Variants in SMARCAL1 observed in about 807,000 individuals in gnomAD.
SMARCAL1 encodes ATP-driven annealing helicase.
In SMARCAL1, 58 loss-of-function variants were observed where a neutral mutation model predicts 94.5. That is an observed-to-expected ratio of 0.61 (90% CI 0.50 to 0.76). The LOEUF (loss-of-function observed/expected upper bound fraction) is 0.76. Ranked by LOEUF, SMARCAL1 falls within the 30% of genes least tolerant of loss-of-function variation. The pLI is 0.00. For missense variants in SMARCAL1, 1,051 were observed against 1,177.9 expected (o/e 0.89, Z 1.58); for synonymous variants, 422 against 455.1 (o/e 0.93, Z 0.93).
chr2:216,424,499 A>T (rs771497896), intron 6 of SMARCAL1, among the ~76,000 whole-genome samples: 1 of 152,192 alleles, frequency 6.6e-6, no homozygotes, highest in African/African-American at 2.4e-5. Flanking sequence ...GTGGGTACCA[A>T]TCAGGCCAGG....
chr2:216,454,371 C>T (rs956075597), intron 12 of SMARCAL1, among the ~76,000 whole-genome samples: 1 of 152,142 alleles, frequency 6.6e-6, no homozygotes, highest in Non-Finnish European at 1.5e-5. Flanking sequence ...CAATCAGTAA[C>T]ATTTATTGAA....
At chr2:216,423,606 T>C (rs1372996801) in intron 5 of SMARCAL1, 27 bp from the exon 6 acceptor site, 2 of 1,602,248 alleles carry the variant, frequency 1.2e-6, no homozygotes, top group East Asian at 2.2e-5. Flanking sequence ...GGTGTCCTAT[T>C]TGCTTATTTA....
intron 7 of SMARCAL1, among the ~76,000 whole-genome samples, chr2:216,429,537 T>C (rs1693916184): frequency 6.6e-6 from 1 of 152,188 alleles, no homozygotes; most frequent in African/African-American, 2.4e-5. Flanking sequence ...CTCTTAAAAA[T>C]ATGGGAGTTC....
Position 216,435,431 on chromosome 2 carries a change from G to T in SMARCAL1, c.1579G>T (p.Val527Phe), listed in dbSNP as rs1574458759. The T allele has an allele frequency of 6.2e-7, 1 of 1,614,176 alleles. No individual in the cohort carries two copies. The highest frequency in any genetic ancestry group is 2.2e-5 in the East Asian group (1 of 44,890). ...DRLTAGLINI[V>F]SFDLLSKLEK... is the part of the protein sequence containing the mutation. ...CCTGACAGCTGGCCTGATCAACATTGTCAGCTTTGACCTTCTTAGCAAGTT... is the reference window on the plus strand; with the variant it reads ...CCTGACAGCTGGCCTGATCAACATTTTCAGCTTTGACCTTCTTAGCAAGTT... The change falls in exon 9 of 18, where the codon GTC (valine) becomes TTC (phenylalanine). Residue 527 changes from valine (V) to phenylalanine (F), a missense_variant. By Grantham distance (50) the Val-to-Phe change is conservative. Transcript: ENST00000357276.
At chr2:216,425,386 G>C (rs775283996) in intron 6 of SMARCAL1, among the ~76,000 whole-genome samples, 87 of 152,228 alleles carry the variant, frequency 5.7e-4, no homozygotes, top group Non-Finnish European at 1.1e-3. Flanking sequence ...GGAATGTGCT[G>C]GTGCCTGAAA....
chr2:216,418,322 A>T (rs1330172783), intron 4 of SMARCAL1, among the ~76,000 whole-genome samples: 1 of 152,208 alleles, frequency 6.6e-6, no homozygotes, highest in Admixed American at 6.5e-5. Context: ...GAGAAAAAAA[A>T]TTCTCCATAT....
chr2:216,426,261 G>T (rs73072259), intron 6 of SMARCAL1, among the ~76,000 whole-genome samples: 2 of 152,172 alleles, frequency 1.3e-5, no homozygotes, highest in Non-Finnish European at 2.9e-5. Flanking sequence ...TAAAGTCTTT[G>T]ACTTTTATGG....
chr2:216,439,552 A>G (rs932377242), intron 10 of SMARCAL1, among the ~76,000 whole-genome samples: 3 of 152,210 alleles, frequency 2.0e-5, no homozygotes, highest in Non-Finnish European at 4.4e-5. Flanking sequence ...ATTGATTAAA[A>G]GAAGCTTTAA....
intron 4 of SMARCAL1, among the ~76,000 whole-genome samples, chr2:216,420,041 A>G (rs1004004721): frequency 5.4e-5 from 8 of 148,682 alleles, no homozygotes; most frequent in African/African-American, 1.7e-4. Flanking sequence ...AAAAAAAAAA[A>G]AAAAAAGAAA....
At chr2:216,462,832 A>T (rs113361888) in intron 12 of SMARCAL1, among the ~76,000 whole-genome samples, 8,538 of 125,682 alleles carry the variant, frequency 0.068, 344 homozygotes, top group African/African-American at 0.15. Flanking sequence ...CAAAAAATAA[A>T]AAAAAAAAAA....
At chr2:216,470,558 G>A (rs1574480996) in intron 14 of SMARCAL1, among the ~76,000 whole-genome samples, 1 of 150,346 alleles carries the variant, frequency 6.7e-6, no homozygotes, top group East Asian at 2.0e-4. Context: ...CACGAATGCT[G>A]CTCACTGAAG....
Position 216,415,111 on chromosome 2 carries a change from A to G in SMARCAL1, c.407A>G (p.Gln136Arg), listed in dbSNP as rs1693558736. Residue 136 changes from glutamine (Q) to arginine (R), a missense_variant, in exon 3 of 18, where the codon CAA becomes CGA. This residue lies in a region of SMARCAL1 where 398 missense variants were observed against 395.2 expected (regional missense o/e 1.01). Transcript: ENST00000357276. ...CAAAGTCCTCCAGAGGTCCCTAAAC[A>G]ACAGCTCTTGAGTTATGAGTTAGGT... ...LAQSPPEVPK[Q>R]QLLSYELGQG... The G allele has an allele frequency of 6.2e-6, 10 of 1,613,756 alleles. No homozygotes were observed. Among genetic ancestry groups the G allele is most frequent in the Non-Finnish European group, 7.6e-6 (9 of 1,179,872 alleles).
In SMARCAL1 at chr2:216,418,146, T is replaced by C. The variant is rs1262914104; in HGVS notation, c.862+1839T>C. 5.3e-5 allele frequency among the ~76,000 whole-genome samples: 8 copies of C among 152,254 alleles called. No individual in the cohort carries two copies. In the East Asian group the frequency reaches 5.8e-4, roughly 11 times the overall value. On this transcript the variant is annotated intron_variant, in intron 4 of 17. Transcript: ENST00000357276. ...GTTGGCCAGGCTGGTCTTGAACCCCTGACCTCAGGTGATCTACCTGCCTCA... is the reference window on the plus strand; with the variant it reads ...GTTGGCCAGGCTGGTCTTGAACCCCCGACCTCAGGTGATCTACCTGCCTCA...
At chr2:216,468,912 C>T (rs532684303) in intron 14 of SMARCAL1, among the ~76,000 whole-genome samples, 122 of 152,196 alleles carry the variant, frequency 8.0e-4, no homozygotes, top group Non-Finnish European at 1.6e-3. Flanking sequence ...GGGGTTTCAC[C>T]ATGTTGCCCA....
chr2:216,446,180 C>T (rs922551532), intron 10 of SMARCAL1, among the ~76,000 whole-genome samples: 7 of 151,996 alleles, frequency 4.6e-5, no homozygotes, highest in Non-Finnish European at 8.8e-5. Flanking sequence ...GGGTCTGATG[C>T]CCATGGGTCA....
At chr2:216,449,300 G>A (rs1694390721) in intron 11 of SMARCAL1, among the ~76,000 whole-genome samples, 1 of 152,180 alleles carries the variant, frequency 6.6e-6, no homozygotes, top group Admixed American at 6.5e-5. Context: ...TTAAGCCATA[G>A]CAATATCCAA....
At chr2:216,434,403 G>C (rs1206776407) in intron 8 of SMARCAL1, among the ~76,000 whole-genome samples, 1 of 152,176 alleles carries the variant, frequency 6.6e-6, no homozygotes, top group African/African-American at 2.4e-5. Context: ...TTTATGATTT[G>C]CCTTCAGTGT....
At chr2:216,478,363 CTT>C (rs1045020319) in intron 17 of SMARCAL1, 64 bp downstream of exon 17, 6 of 1,273,038 alleles carry the variant, frequency 4.7e-6, no homozygotes, top group Non-Finnish European at 6.9e-6. Flanking sequence ...TCTGCCAAGT[CTT>C]TGGGTCCTGA....
chr2:216,434,360 C>T (rs1388647877), intron 8 of SMARCAL1, among the ~76,000 whole-genome samples: 1 of 152,142 alleles, frequency 6.6e-6, no homozygotes, highest in Non-Finnish European at 1.5e-5. Context: ...GTAGAAATAT[C>T]GACATAAGTA....
Sources: allele counts gnomAD v4.1 joint callset (sites outside exome capture counted in the v4.1 genomes callset), GRCh38; gene constraint gnomAD v4.1.1; regional missense constraint gnomAD v4.1.1; transcripts MANE v1.5; gene names NCBI Gene and HGNC (gene_info 2026-07-23, HGNC 2026-07-21).